The following FGF14 variants were observed in gnomAD, a reference collection of about 807,000 sequenced individuals.
The protein encoded by FGF14 is fibroblast growth factor homologous factor 4.
In FGF14, 5 loss-of-function variants were observed where a neutral mutation model predicts 25.5. That is an observed-to-expected ratio of 0.20 (90% CI 0.10 to 0.41). FGF14 has a LOEUF of 0.41. Ranked by LOEUF, FGF14 falls within the 10% of genes least tolerant of loss-of-function variation. FGF14 has a pLI of 1.00. For missense variants in FGF14, 222 were observed against 320.1 expected (o/e 0.69, Z 2.34); for synonymous variants, 138 against 118.3 (o/e 1.17, Z -1.08).
chr13:102,142,345 G>C (rs1462109364), intron 1 of FGF14, among the ~76,000 whole-genome samples: 1 of 151,934 alleles, frequency 6.6e-6, no homozygotes, highest in Admixed American at 6.6e-5. Flanking sequence ...TACTGTGCTT[G>C]AGTCATGCTC....
At chr13:102,365,026 TA>T (rs1340159669) in intron 1 of FGF14, among the ~76,000 whole-genome samples, 8 of 152,326 alleles carry the variant, frequency 5.3e-5, no homozygotes, top group African/African-American at 1.9e-4. Context: ...ACGCTCTTGC[TA>T]TTTTTTGTCT....
chr13:101,873,890 CAT>C (rs2045250834), intron 2 of FGF14, among the ~76,000 whole-genome samples: 1 of 151,074 alleles, frequency 6.6e-6, no homozygotes, highest in Admixed American at 6.6e-5. Flanking sequence ...AATAAACAAA[CAT>C]AAAAAGGAAA....
chr13:102,192,829 TCC>T (rs1287095370), intron 1 of FGF14, among the ~76,000 whole-genome samples: 1 of 152,172 alleles, frequency 6.6e-6, no homozygotes, highest in Admixed American at 6.6e-5. Flanking sequence ...GCCTTTAACA[TCC>T]ATATTGATAT....
At chr13:102,348,280 A>G (rs545729299) in intron 1 of FGF14, among the ~76,000 whole-genome samples, 1 of 152,328 alleles carries the variant, frequency 6.6e-6, no homozygotes, top group East Asian at 1.9e-4. Flanking sequence ...GGTATATGTA[A>G]CCTAGCCTTA....
Position 102,135,017 on chromosome 13 carries a change from C to CCACACA in FGF14, c.209-259727_209-259722dup, listed in dbSNP as rs71125050. ...TGGGTAACATAGGGAGACCCCGTGT[C>CCACACA]CACACACACACACACACACACACAC... is the stretch of plus-strand genomic sequence containing the variant. On this transcript the variant is annotated intron_variant, in intron 1 of 4. Transcript: ENST00000376131. Among the ~76,000 whole-genome samples, 359 of 142,650 alleles carry CCACACA rather than the reference C, an allele frequency of 2.5e-3. 1 individual carries two copies. The highest frequency in any genetic ancestry group is 5.6e-3 in the African/African-American group (214 of 38,198). 93.6% of individuals were successfully genotyped at this position (142,650 alleles called of 152,430 possible). A position where few individuals can be genotyped will look rare whatever the true frequency, so the allele number is the denominator to read the frequency against.
intron 1 of FGF14, among the ~76,000 whole-genome samples, chr13:102,280,164 G>A (rs1413165916): frequency 3.9e-5 from 6 of 152,104 alleles, no homozygotes; most frequent in East Asian, 1.9e-4. Context: ...CAGACCACAT[G>A]CTGCAGGAAA....
At chr13:101,739,546 C>T (rs2036407368) in intron 3 of FGF14, among the ~76,000 whole-genome samples, 1 of 152,066 alleles carries the variant, frequency 6.6e-6, no homozygotes, top group Non-Finnish European at 1.5e-5. Context: ...TATGAGTTAA[C>T]TAGACTAAGA....
intron 1 of FGF14, among the ~76,000 whole-genome samples, chr13:102,376,756 A>G (rs1464982249): frequency 6.6e-6 from 1 of 152,246 alleles, no homozygotes; most frequent in East Asian, 1.9e-4. Context: ...TAGGAAATCA[A>G]TTATTTAATT....
At chr13:102,229,632 C>T (rs1294609743) in intron 1 of FGF14, among the ~76,000 whole-genome samples, 1 of 152,198 alleles carries the variant, frequency 6.6e-6, no homozygotes, top group East Asian at 1.9e-4. Context: ...TCTTCCCTCT[C>T]TAGTCCCTCC....
chr13:101,741,275 G>T (rs751226462), intron 3 of FGF14, among the ~76,000 whole-genome samples: 1 of 152,180 alleles, frequency 6.6e-6, no homozygotes, highest in Admixed American at 6.5e-5. Flanking sequence ...GGCAGAGGTT[G>T]CAGTGAGCTG....
At chr13:102,349,957 C>T (rs564442964) in intron 1 of FGF14, among the ~76,000 whole-genome samples, 3 of 152,256 alleles carry the variant, frequency 2.0e-5, no homozygotes, top group South Asian at 2.1e-4. Context: ...TACACATGTG[C>T]GTGCACACTG....
intron 3 of FGF14, among the ~76,000 whole-genome samples, chr13:101,757,036 G>A (rs550440677): frequency 1.7e-4 from 26 of 152,204 alleles, no homozygotes; most frequent in African/African-American, 5.3e-4. Flanking sequence ...ATATCAAACC[G>A]AGAGATTTTA....
intron 1 of FGF14, among the ~76,000 whole-genome samples, chr13:102,138,830 T>C (rs140454022): frequency 4.8e-4 from 73 of 152,336 alleles, no homozygotes; most frequent in African/African-American, 1.4e-3. Flanking sequence ...TGTTAGCAGC[T>C]TACATAACTG....
chr13:102,284,979 ATACAT>A (rs2054023975), intron 1 of FGF14, among the ~76,000 whole-genome samples: 1 of 151,740 alleles, frequency 6.6e-6, no homozygotes, highest in Middle Eastern at 3.2e-3. Flanking sequence ...TTTGAGCTGT[ATACAT>A]TACATTTTTC....
At chr13:102,036,453 C>T (rs374098378) in intron 1 of FGF14, among the ~76,000 whole-genome samples, 3 of 152,010 alleles carry the variant, frequency 2.0e-5, no homozygotes, top group Non-Finnish European at 4.4e-5. Flanking sequence ...TCCAGCCACT[C>T]GAGGGTGCTC....
At chr13:102,263,722 C>G (rs2052837906) in intron 1 of FGF14, among the ~76,000 whole-genome samples, 1 of 152,108 alleles carries the variant, frequency 6.6e-6, no homozygotes, top group Non-Finnish European at 1.5e-5. Flanking sequence ...GCTTTTAATT[C>G]ATGCAGAATT....
chr13:102,045,118 G>A (rs911740193), intron 1 of FGF14, among the ~76,000 whole-genome samples: 4 of 152,170 alleles, frequency 2.6e-5, no homozygotes, highest in East Asian at 1.9e-4. Context: ...TTCAATTTGT[G>A]TAGTTAAAAT....
chr13:102,265,124 A>C (rs531699406), intron 1 of FGF14, among the ~76,000 whole-genome samples: 1 of 152,220 alleles, frequency 6.6e-6, no homozygotes, highest in South Asian at 2.1e-4. Context: ...CTCTCTCTTT[A>C]ACTTGGCCTC....
chr13:102,037,101 AATTACT>A (rs1246069235), intron 1 of FGF14, among the ~76,000 whole-genome samples: 1 of 152,150 alleles, frequency 6.6e-6, no homozygotes, highest in East Asian at 1.9e-4. Context: ...GTTGGTGACT[AATTACT>A]ATCATGGATT....
Sources: allele counts gnomAD v4.1 joint callset (sites outside exome capture counted in the v4.1 genomes callset), GRCh38; gene constraint gnomAD v4.1.1; transcripts MANE v1.5; gene names NCBI Gene and HGNC (gene_info 2026-07-23, HGNC 2026-07-21).